TRAPPC8: variants seen among roughly 807,000 people sequenced by gnomAD.
TRAPPC8 encodes the protein general sporulation gene 1 homolog.
Under a neutral mutation model 174.3 loss-of-function variants are expected in TRAPPC8, and 54 were observed. The observed-to-expected ratio is 0.31, with a 90% CI of 0.25 to 0.39. The LOEUF is 0.39. Among genes scored for constraint, TRAPPC8 ranks in the 10% least tolerant of loss-of-function variants. The pLI is 1.00. For missense variants in TRAPPC8, 1,531 were observed against 1,699.1 expected, an observed-to-expected ratio of 0.90 and a Z score of 1.74; for synonymous variants, 630 against 579.9, an observed-to-expected ratio of 1.09 and a Z score of -1.24.
Position 31,874,689 on chromosome 18 carries a change from G to A in TRAPPC8, c.1744C>T (p.Arg582Cys), listed in dbSNP as rs757073725. Residue 582 changes from arginine (R) to cysteine (C), a missense_variant, in exon 13 of 29, where the codon CGC (arginine) becomes TGC (cysteine). Transcript: ENST00000283351. ...SKAGQKKHAL[R>C]CYCQAMQVYK... ...ACTTGCATGGCTTGACAATAACAGCGTAAAGCATGCTTTTTCTGTAAGAAA... is the reference window on the plus strand; with the variant it reads ...ACTTGCATGGCTTGACAATAACAGCATAAAGCATGCTTTTTCTGTAAGAAA... The A allele has an allele frequency of 3.7e-6, 6 of 1,611,478 alleles. No individual in the cohort carries two copies. Among genetic ancestry groups the A allele is most frequent in the Admixed American group, 1.7e-5 (1 of 59,540 alleles).
chr18:31,833,909 G>C (rs1030699700), intron 27 of TRAPPC8, among the ~76,000 whole-genome samples: 6 of 144,854 alleles, frequency 4.1e-5, no homozygotes, highest in Non-Finnish European at 8.9e-5. Context: ...GGCTGAGGCA[G>C]AAGAATGGCA....
At chr18:31,855,410 A>T (rs1192740327) in intron 21 of TRAPPC8, among the ~76,000 whole-genome samples, 2 of 152,212 alleles carry the variant, frequency 1.3e-5, no homozygotes, top group Non-Finnish European at 2.9e-5. Flanking sequence ...TTTAGAATGA[A>T]TTAATGGAAC....
chr18:31,915,774 C>G (rs2145533395), intron 4 of TRAPPC8, among the ~76,000 whole-genome samples: 1 of 151,698 alleles, frequency 6.6e-6, no homozygotes, highest in East Asian at 2.0e-4. Context: ...GTAGTCCCAG[C>G]TACTCAGGAG....
At chr18:31,870,218 T>A in intron 16 of TRAPPC8, 154 bp downstream of exon 16, 1 of 587,688 alleles carries the variant, frequency 1.7e-6, no homozygotes, top group East Asian at 3.3e-5. Context: ...GTATTTTCAA[T>A]TTTCAAAAAT....
Position 31,897,736 on chromosome 18 carries a change from A to T in TRAPPC8, c.1596+50T>A, listed in dbSNP as rs555623472. 164 of 1,184,494 alleles carry T rather than the reference A, an allele frequency of 1.4e-4. No homozygotes were observed. The African/African-American group carries it at 2.2e-3, about 16-fold the overall frequency. 73.4% of individuals were successfully genotyped at this position (1,184,494 alleles called of 1,614,324 possible). The stretch of plus-strand genomic sequence containing the variant: ...TCAAGAAAAAAGATACATCTTTTTA[A>T]AAAAAAAAGAACAATGCTAATTAAA... On this transcript the variant is annotated intron_variant, in intron 11 of 28. Transcript: ENST00000283351.
At chr18:31,846,171 C>T (rs576364089) in intron 26 of TRAPPC8, among the ~76,000 whole-genome samples, 35 of 152,284 alleles carry the variant, frequency 2.3e-4, no homozygotes, top group African/African-American at 8.2e-4. Flanking sequence ...ACCATAACTG[C>T]ATCTTAATAC....
At position 31,849,575 on chromosome 18, in the gene TRAPPC8, T is replaced by A. The variant is rs771474480; in HGVS notation, c.3726A>T (p.Ile1242=). The A allele has an allele frequency of 6.2e-7, 1 of 1,606,374 alleles. No homozygotes were observed. Among genetic ancestry groups the A allele is most frequent in the Non-Finnish European group, 8.5e-7 (1 of 1,176,982 alleles). ...KCSEVDLNIV[I]LWKAYVVEDS... ...ATTTAGTAGCACATACCTTCCATAA[T>A]ATGACAATATTCAAATCTACCTCAC... is the stretch of plus-strand genomic sequence containing the variant. The change falls in exon 25 of 29, where the codon ATA becomes ATT. Residue 1242 remains isoleucine (I), a synonymous_variant. Coordinates refer to ENST00000283351, the MANE Select transcript of TRAPPC8 (RefSeq NM_014939.5).
chr18:31,870,669 T>A (rs557550497), intron 15 of TRAPPC8, among the ~76,000 whole-genome samples, 167 bp from the exon 16 acceptor site: 1 of 152,338 alleles, frequency 6.6e-6, no homozygotes, highest in East Asian at 1.9e-4. Flanking sequence ...TAATACTACA[T>A]TACCTCCTTG....
intron 19 of TRAPPC8, among the ~76,000 whole-genome samples, chr18:31,861,464 TAAGTGAAA>T (rs1568057309): frequency 6.6e-6 from 1 of 152,194 alleles, no homozygotes; most frequent in Non-Finnish European, 1.5e-5. Context: ...GCTTCTTTCC[TAAGTGAAA>T]AAACTTTCAC....
chr18:31,889,071 T>A (rs1217315721), intron 12 of TRAPPC8, among the ~76,000 whole-genome samples: 1 of 152,122 alleles, frequency 6.6e-6, no homozygotes, highest in Non-Finnish European at 1.5e-5. Context: ...ATCTAGTAGA[T>A]CTTAATTTAT....
At chr18:31,837,705 T>C (rs2032835565) in intron 27 of TRAPPC8, among the ~76,000 whole-genome samples, 1 of 149,968 alleles carries the variant, frequency 6.7e-6, no homozygotes, top group Non-Finnish European at 1.5e-5. Context: ...CTCAGAAAAA[T>C]TTAAAAAAAG....
intron 12 of TRAPPC8, among the ~76,000 whole-genome samples, chr18:31,888,021 T>C (rs1295499805): frequency 1.3e-5 from 2 of 152,046 alleles, no homozygotes; most frequent in Non-Finnish European, 1.5e-5. Context: ...ACAAAATCAA[T>C]GTGCAAAAAT....
At chr18:31,887,888 T>G (rs1200262106) in intron 12 of TRAPPC8, among the ~76,000 whole-genome samples, 1 of 152,076 alleles carries the variant, frequency 6.6e-6, no homozygotes, top group Non-Finnish European at 1.5e-5. Flanking sequence ...GGTATTCAAA[T>G]ACGAAGAGAG....
intron 12 of TRAPPC8, among the ~76,000 whole-genome samples, chr18:31,883,006 C>A (rs1169856039): frequency 6.3e-5 from 9 of 143,998 alleles, no homozygotes; most frequent in African/African-American, 2.3e-4. Context: ...GGGTGGATCA[C>A]GAGTTCAGGA....
At chr18:31,871,837 T>C (rs924161559) in intron 14 of TRAPPC8, among the ~76,000 whole-genome samples, 3 of 152,050 alleles carry the variant, frequency 2.0e-5, no homozygotes, top group African/African-American at 7.2e-5. Context: ...CTACAAACAA[T>C]GCTACTATGA....
chr18:31,866,301 A>G (rs573668281), intron 18 of TRAPPC8, among the ~76,000 whole-genome samples: 34 of 152,254 alleles, frequency 2.2e-4, no homozygotes, highest in African/African-American at 7.5e-4. Flanking sequence ...AAAACAAAGA[A>G]AACTATGTTA....
At chr18:31,867,012 A>T (rs1355574373) in intron 17 of TRAPPC8, 37 bp from the exon 18 acceptor site, 1 of 1,606,638 alleles carries the variant, frequency 6.2e-7, no homozygotes, top group Admixed American at 1.7e-5. Flanking sequence ...TTATGTTTTC[A>T]TAATATCTTA....
chr18:31,914,633 G>A lies in TRAPPC8; in HGVS notation c.618-1111C>T, dbSNP rs377619698. On this transcript the variant is annotated intron_variant, in intron 4 of 28. Transcript: ENST00000283351. ...TCTGCAGAGGAAAATTTAATAAAAA[G>A]ATGGTGGTCCATGCTCAGGACAAGG... Among the ~76,000 whole-genome samples the A allele has an allele frequency of 1.0e-3, 159 of 152,290 alleles. 7 individuals are homozygous for A. The South Asian group carries it at 0.032, about 30-fold the overall frequency.
intron 25 of TRAPPC8, among the ~76,000 whole-genome samples, chr18:31,848,433 G>A (rs918792039): frequency 2.0e-5 from 3 of 152,230 alleles, no homozygotes; most frequent in Admixed American, 2.0e-4. Context: ...AGACACAAAT[G>A]CCAAAGATCG....
Sources: allele counts gnomAD v4.1 joint callset (sites outside exome capture counted in the v4.1 genomes callset), GRCh38; gene constraint gnomAD v4.1.1; transcripts MANE v1.5; gene names NCBI Gene and HGNC (gene_info 2026-07-23, HGNC 2026-07-21).